Variants in BANK1 observed in about 807,000 individuals in gnomAD.
The protein encoded by BANK1 is B-cell scaffold protein with ankyrin repeats.
In BANK1, 95 loss-of-function variants were observed where a neutral mutation model predicts 94.5. The observed-to-expected ratio is 1.00, with a 90% confidence interval of 0.85 to 1.19. BANK1 has a LOEUF of 1.19. Ranked by LOEUF, BANK1 falls within the 50% of genes most tolerant of loss-of-function variation. The pLI is 0.00. For missense variants in BANK1, 987 were observed against 932.2 expected (o/e 1.06, Z -0.77); for synonymous variants, 334 against 308.4 (o/e 1.08, Z -0.87).
chr4:101,822,226 T>C (rs1726183491), intron 1 of BANK1, among the ~76,000 whole-genome samples: 1 of 151,818 alleles, frequency 6.6e-6, no homozygotes, highest in Non-Finnish European at 1.5e-5. Flanking sequence ...AAAAATTAAC[T>C]TGGCATGGTG....
At chr4:101,873,703 A>C (rs1053050306) in intron 5 of BANK1, among the ~76,000 whole-genome samples, 6 of 152,174 alleles carry the variant, frequency 3.9e-5, no homozygotes, top group Non-Finnish European at 7.4e-5. Context: ...TGAATCCCAG[A>C]ACATAGCCTC....
chr4:101,928,242 C>T (rs1359094684), intron 7 of BANK1, among the ~76,000 whole-genome samples: 1 of 151,468 alleles, frequency 6.6e-6, no homozygotes, highest in East Asian at 2.0e-4. Flanking sequence ...TTAGTTTGTC[C>T]CAAATACGTC....
intron 5 of BANK1, among the ~76,000 whole-genome samples, chr4:101,889,842 AAAAATTTTG>A (rs1317460958): frequency 6.6e-6 from 1 of 152,054 alleles, no homozygotes; most frequent in Non-Finnish European, 1.5e-5. Context: ...GCTATGTTCC[AAAAATTTTG>A]ATATGTTGTA....
rs72927198 is a variant in BANK1 at position 101,888,315 on chromosome 4, A to T, written c.904-6990A>T. Among the ~76,000 whole-genome samples the T allele has an allele frequency of 8.2e-3, 1,250 of 152,288 alleles. 14 individuals carry two copies. The highest frequency in any genetic ancestry group is 0.028 in the African/African-American group (1,178 of 41,554). On this transcript the variant is annotated intron_variant, in intron 5 of 16. Coordinates refer to ENST00000322953, the MANE Select transcript of BANK1 (RefSeq NM_017935.5). The stretch of plus-strand genomic sequence containing the variant: ...GTTTTCAACAACGAGACACAAGGGG[A>T]CATCTTTGAAACTTTTGCTTTTCTG...
chr4:101,958,001 C>T (rs1578420800), intron 7 of BANK1, among the ~76,000 whole-genome samples: 2 of 151,924 alleles, frequency 1.3e-5, no homozygotes, highest in South Asian at 2.1e-4. Context: ...CCTGCCACCA[C>T]GTCTGGCTAA....
chr4:101,999,547 C>T (rs552842332), intron 7 of BANK1, among the ~76,000 whole-genome samples: 1 of 152,140 alleles, frequency 6.6e-6, no homozygotes, highest in Non-Finnish European at 1.5e-5. Flanking sequence ...ACTCATCACT[C>T]AATCATTTAA....
chr4:101,864,765 T>C (rs931948215), intron 4 of BANK1, among the ~76,000 whole-genome samples: 4 of 152,174 alleles, frequency 2.6e-5, no homozygotes, highest in African/African-American at 7.2e-5. Flanking sequence ...AACAGCCGTG[T>C]AGGACAGTGA....
intron 7 of BANK1, among the ~76,000 whole-genome samples, chr4:102,000,911 G>T (rs545492413): frequency 1.3e-5 from 2 of 152,122 alleles, no homozygotes; most frequent in Non-Finnish European, 2.9e-5. Flanking sequence ...ACTGTGTTTT[G>T]TGTATAGGTT....
chr4:101,931,692 A>G (rs2148905571), intron 7 of BANK1, among the ~76,000 whole-genome samples: 2 of 151,704 alleles, frequency 1.3e-5, no homozygotes, highest in South Asian at 2.1e-4. Flanking sequence ...TTAAATCTCT[A>G]TGACATTTTC....
chr4:101,866,635 T>TTACGTTGAATTTCTCTTCAGAAACCAC (rs1728077647), intron 4 of BANK1, among the ~76,000 whole-genome samples: 4 of 119,684 alleles, frequency 3.3e-5, no homozygotes, highest in African/African-American at 7.6e-5. Context: ...AGTATAGGAA[T>TTACGTTGAATTTCTCTTCAGAAACCAC]ACCATTTGAC....
chr4:102,021,760 T>C (rs946520625), intron 8 of BANK1, among the ~76,000 whole-genome samples, 168 bp downstream of exon 8: 10 of 152,140 alleles, frequency 6.6e-5, no homozygotes, highest in African/African-American at 2.4e-4. Context: ...CTACATCATA[T>C]TCCTAATTTA....
chr4:101,924,355 A>C (rs62322689), intron 7 of BANK1, among the ~76,000 whole-genome samples: 10,168 of 151,776 alleles, frequency 0.067, 580 homozygotes, highest in East Asian at 0.19. Context: ...CTCAGATGTC[A>C]CAGCCGCTGT....
At position 101,855,019 on chromosome 4, in the gene BANK1, A is replaced by G. The variant is rs1248529326; in HGVS notation, c.470-16A>G. The G allele has an allele frequency of 1.3e-6, 2 of 1,588,254 alleles. No homozygotes were observed. The highest frequency in any genetic ancestry group is 1.7e-6 in the Non-Finnish European group (2 of 1,160,790). Reference sequence around the variant, plus strand: ...TTTAGTTATATTATAATCTACATTCATAAAATTTTCTCTAGATTCTGAAGA... The same window carrying G: ...TTTAGTTATATTATAATCTACATTCGTAAAATTTTCTCTAGATTCTGAAGA... On this transcript the variant is annotated splice_polypyrimidine_tract_variant and intron_variant, in intron 2 of 16. Transcript: ENST00000322953.
intron 7 of BANK1, among the ~76,000 whole-genome samples, chr4:102,016,010 C>T (rs1452217472): frequency 6.6e-6 from 1 of 152,154 alleles, no homozygotes; most frequent in Non-Finnish European, 1.5e-5. Context: ...TGCAACCTAA[C>T]CAAACCAACT....
chr4:101,812,190 A>G (rs1179827884), intron 1 of BANK1, among the ~76,000 whole-genome samples: 1 of 151,952 alleles, frequency 6.6e-6, no homozygotes, highest in African/African-American at 2.4e-5. Flanking sequence ...AGATGGGTAA[A>G]GAAGATTATT....
intron 5 of BANK1, among the ~76,000 whole-genome samples, chr4:101,893,804 T>A (rs1044783409): frequency 6.6e-6 from 1 of 152,090 alleles, no homozygotes; most frequent in Non-Finnish European, 1.5e-5. Flanking sequence ...TATAGATGTT[T>A]CCACATTAAG....
chr4:101,797,094 GTA>G (rs1294706028), intron 1 of BANK1, among the ~76,000 whole-genome samples: 1 of 152,102 alleles, frequency 6.6e-6, no homozygotes, highest in African/African-American at 2.4e-5. Flanking sequence ...GGAGTAGAAA[GTA>G]TAGTATCTCC....
chr4:101,980,750 T>A (rs1725300469), intron 7 of BANK1, among the ~76,000 whole-genome samples: 1 of 152,064 alleles, frequency 6.6e-6, no homozygotes, highest in East Asian at 1.9e-4. Context: ...TCTTCTTTCA[T>A]GTTTGCAAAG....
chr4:101,803,095 C>T (rs1163680142), intron 1 of BANK1, among the ~76,000 whole-genome samples: 1 of 151,744 alleles, frequency 6.6e-6, no homozygotes, highest in Admixed American at 6.5e-5. Flanking sequence ...ATTTATTTAA[C>T]TATGGGATGC....
Sources: gnomAD v4.1 joint callset for allele counts (sites outside exome capture counted in the v4.1 genomes callset) on GRCh38, gnomAD v4.1.1 for gene constraint, MANE v1.5 for transcripts, NCBI Gene and HGNC (gene_info 2026-07-23, HGNC 2026-07-21) for gene names.